Variants in SYNE1 observed in about 807,000 individuals in gnomAD.
SYNE1 encodes the protein nesprin-1.
A neutral mutation model predicts 1,111.0 loss-of-function variants in SYNE1; 616 were observed. That is an observed-to-expected ratio of 0.55 (90% confidence interval 0.52 to 0.59). The LOEUF is 0.59. Ranked by LOEUF, SYNE1 falls within the 20% of genes least tolerant of loss-of-function variation. SYNE1 has a pLI of 0.00. For synonymous variants in SYNE1, 3,855 were observed against 3,825.8 expected (o/e 1.01, Z -0.28); for missense variants, 10,006 against 10,417.0 (o/e 0.96, Z 1.72).
chr6:152,362,973 C>T (rs1324254743), intron 63 of SYNE1, among the ~76,000 whole-genome samples: 9 of 151,350 alleles, frequency 5.9e-5, no homozygotes, highest in African/African-American at 1.7e-4. Context: ...CTCTGCCTCC[C>T]GGGTTCACGC....
Position 152,462,686 on chromosome 6 carries a change from C to G in SYNE1, c.2250+52G>C, listed in dbSNP as rs768050625. The stretch of plus-strand genomic sequence containing the variant: ...CAATGATCTGAATAAACTTGCTGAT[C>G]TTTCCTCTCACAACAGAGTAGGCTT... On this transcript the variant is annotated intron_variant, in intron 20 of 145. Coordinates refer to ENST00000367255, the MANE Select transcript of SYNE1 (RefSeq NM_182961.4). 4.6e-5 allele frequency: 74 copies of G among 1,610,562 alleles called. 1 individual carries two copies. In the Middle Eastern group the frequency reaches 3.0e-3, roughly 65 times the overall value.
chr6:152,442,661 C>T (rs773230793), intron 30 of SYNE1, among the ~76,000 whole-genome samples: 1 of 152,102 alleles, frequency 6.6e-6, no homozygotes, highest in Non-Finnish European at 1.5e-5. Context: ...AGATTTATGG[C>T]CAGGGGCGGT....
chr6:152,331,495 T>C lies in SYNE1; in HGVS notation c.13190A>G (p.Lys4397Arg), dbSNP rs754275821. The C allele has an allele frequency of 1.9e-6, 3 of 1,614,126 alleles. No homozygotes were observed. Among genetic ancestry groups the C allele is most frequent in the Non-Finnish European group, 1.7e-6 (2 of 1,179,998 alleles). ...TATAAGCGATTTCAGGAGCATCTGC[T>C]TGGCCTCCAGTTCACTGCAGATGGC... ...HLAICSELEA[K>R]QMLLKSLIKD... The change falls in exon 78 of 146, where the codon AAG becomes AGG. Residue 4397 changes from lysine (K) to arginine (R), a missense_variant. Lys to Arg is a conservative substitution (Grantham distance 26). This residue lies in a region of SYNE1 where 4,955 missense variants were observed against 5,017.2 expected (regional missense o/e 0.99). Transcript: ENST00000367255.
At chr6:152,628,833 T>C (rs2128987348) in intron 2 of SYNE1, among the ~76,000 whole-genome samples, 1 of 152,324 alleles carries the variant, frequency 6.6e-6, no homozygotes, top group Non-Finnish European at 1.5e-5. Context: ...TTTTAAACTA[T>C]CAACTTTTTC....
intron 101 of SYNE1, among the ~76,000 whole-genome samples, chr6:152,261,013 G>T (rs1403265140): frequency 1.3e-5 from 2 of 152,110 alleles, no homozygotes; most frequent in East Asian, 3.9e-4. Context: ...AACTCTGGCA[G>T]GTTGCGCCTG....
intron 6 of SYNE1, among the ~76,000 whole-genome samples, chr6:152,513,518 G>A (rs1398655177): frequency 6.6e-6 from 1 of 152,124 alleles, no homozygotes; most frequent in African/African-American, 2.4e-5. Context: ...ATTTTTAGTA[G>A]AGATGAAGTT....
chr6:152,209,133 C>G (rs2077064934), intron 124 of SYNE1, among the ~76,000 whole-genome samples: 1 of 152,164 alleles, frequency 6.6e-6, no homozygotes, highest in Non-Finnish European at 1.5e-5. Context: ...CACTTTAATA[C>G]TAAACACTTG....
chr6:152,403,062 T>C (rs914155585), intron 46 of SYNE1, among the ~76,000 whole-genome samples: 2 of 152,026 alleles, frequency 1.3e-5, no homozygotes, highest in African/African-American at 2.4e-5. Flanking sequence ...ATCAACTAGA[T>C]TGATTGCTTA....
chr6:152,236,093 A>G lies in SYNE1; in HGVS notation c.20396+14T>C. ...GCACTTATCTAAAAATATACAAAAC[A>G]GTCATTGTATTACCTGGTCCAGTGT... is the stretch of plus-strand genomic sequence containing the variant. On this transcript the variant is annotated intron_variant, in intron 110 of 145. Transcript: ENST00000367255. 2 of 1,611,844 alleles carry G rather than the reference A, an allele frequency of 1.2e-6. No individual in the cohort carries two copies. The highest frequency in any genetic ancestry group is 1.7e-6 in the Non-Finnish European group (2 of 1,177,924).
chr6:152,477,216 T>C (rs1020799024), intron 14 of SYNE1, among the ~76,000 whole-genome samples: 1 of 151,816 alleles, frequency 6.6e-6, no homozygotes, highest in African/African-American at 2.4e-5. Flanking sequence ...GACATTATAG[T>C]GCAGAAAATC....
chr6:152,147,769 A>C, intron 137 of SYNE1: 1 of 424,350 alleles, frequency 2.4e-6, no homozygotes, highest in Non-Finnish European at 4.4e-6. Flanking sequence ...GTCCCACACT[A>C]GAGTGGAAGC....
At chr6:152,421,496 A>C (rs894704646) in intron 39 of SYNE1, among the ~76,000 whole-genome samples, 4 of 152,030 alleles carry the variant, frequency 2.6e-5, no homozygotes, top group Non-Finnish European at 4.4e-5. Flanking sequence ...TGGGGGCTGA[A>C]GAGAGAAAAA....
rs372554691 is a variant in SYNE1 at position 152,251,233 on chromosome 6, G to T, written c.19471-1971C>A. Reference sequence around the variant, plus strand: ...CCCAAAGTGCTGGGATTACAGGCGTGAGCCACCGCACCCGGCCCATTTTTA... The same window carrying T: ...CCCAAAGTGCTGGGATTACAGGCGTTAGCCACCGCACCCGGCCCATTTTTA... On this transcript the variant is annotated intron_variant, in intron 104 of 145. Coordinates refer to ENST00000367255, the MANE Select transcript of SYNE1 (RefSeq NM_182961.4). Among the ~76,000 whole-genome samples, 5 of 151,984 alleles carry T rather than the reference G, an allele frequency of 3.3e-5. No homozygotes were observed. In the East Asian group the frequency reaches 9.8e-4, roughly 30 times the overall value.
At chr6:152,326,722 C>T (rs918512021) in intron 78 of SYNE1, 89 bp from the exon 79 acceptor site, 81 of 1,306,734 alleles carry the variant, frequency 6.2e-5, no homozygotes, top group Non-Finnish European at 8.2e-5. Flanking sequence ...TTTTCCAGTC[C>T]TTAGTCTCAT....
intron 32 of SYNE1, among the ~76,000 whole-genome samples, chr6:152,440,616 G>GGAGT (rs1340752448): frequency 7.1e-6 from 1 of 141,676 alleles, no homozygotes; most frequent in Admixed American, 7.3e-5. Flanking sequence ...TTGCCAGGCT[G>GGAGT]GAGTGCAGTG....
intron 56 of SYNE1, among the ~76,000 whole-genome samples, chr6:152,378,697 T>C (rs2097339183): frequency 6.6e-6 from 1 of 152,136 alleles, no homozygotes; most frequent in South Asian, 2.1e-4. Context: ...ACATTTTAAT[T>C]ATACCTCAAG....
chr6:152,186,584 AAAAAAAAAAAAAG>A (rs2070111881), intron 128 of SYNE1, among the ~76,000 whole-genome samples: 15 of 134,780 alleles, frequency 1.1e-4, no homozygotes, highest in East Asian at 7.8e-4. Context: ...AAAAAAAAAA[AAAAAAAAAAAAAG>A]AAGAAGAAGA....
chr6:152,433,733 T>G, intron 34 of SYNE1, 62 bp downstream of exon 34: 3 of 1,588,968 alleles, frequency 1.9e-6, no homozygotes, highest in Non-Finnish European at 2.6e-6. Context: ...TTTGATGAAA[T>G]GTAAGAAAGT....
At chr6:152,522,273 T>G (rs899059797) in intron 5 of SYNE1, among the ~76,000 whole-genome samples, 1 of 152,118 alleles carries the variant, frequency 6.6e-6, no homozygotes, top group South Asian at 2.1e-4. Flanking sequence ...CGTGTACCCA[T>G]AGCTTAGCTC....
Sources: gnomAD v4.1 joint callset for allele counts (sites outside exome capture counted in the v4.1 genomes callset) on GRCh38, gnomAD v4.1.1 for gene constraint, gnomAD v4.1.1 regional missense constraint, MANE v1.5 for transcripts, NCBI Gene and HGNC (gene_info 2026-07-23, HGNC 2026-07-21) for gene names.